The following SMC4 variants were observed in gnomAD, a reference collection of about 807,000 sequenced individuals.
The protein encoded by SMC4 is structural maintenance of chromosomes protein 4.
SMC4 carries 87 observed loss-of-function variants against 145.6 expected under a neutral mutation model. The observed-to-expected ratio is 0.60, with a 90% CI of 0.50 to 0.71. The LOEUF is 0.71. Ranked by LOEUF, SMC4 falls within the 30% of genes least tolerant of loss-of-function variation. SMC4 has a pLI of 0.00. For synonymous variants in SMC4, 558 were observed against 500.7 expected, an observed-to-expected ratio of 1.11 and a Z score of -1.53; for missense variants, 1,447 against 1,537.1, an observed-to-expected ratio of 0.94 and a Z score of 0.98.
rs11548868 is a variant in SMC4 at position 160,431,808 on chromosome 3, G to A, written c.3280G>A (p.Ala1094Thr). The A allele has an allele frequency of 7.4e-5, 120 of 1,612,556 alleles. No homozygotes were observed. Among genetic ancestry groups the A allele is most frequent in the African/African-American group, 4.8e-4 (36 of 74,746 alleles). ...HEMKPNLGAI[A>T]EYKKKEELYL... ...AATGAAACCAAACCTCGGTGCCATC[G>A]CAGAGTATAAAAAGAAGGTATGAAT... Residue 1094 changes from alanine (A) to threonine (T), a missense_variant, in exon 21 of 24, where the codon GCA becomes ACA. Transcript: ENST00000357388.
chr3:160,420,530 A>C, intron 12 of SMC4: 1 of 459,198 alleles, frequency 2.2e-6, no homozygotes, highest in East Asian at 4.1e-5. Context: ...TAAAATGAAA[A>C]CAGTTCTTTC....
chr3:160,421,966 A>G (rs1370995645), intron 13 of SMC4, among the ~76,000 whole-genome samples: 2 of 152,186 alleles, frequency 1.3e-5, no homozygotes, highest in Non-Finnish European at 2.9e-5. Context: ...GGAATCATAC[A>G]ATATATGGCC....
At chr3:160,402,282 A>G (rs915772530) in intron 3 of SMC4, among the ~76,000 whole-genome samples, 189 bp downstream of exon 3, 3 of 152,070 alleles carry the variant, frequency 2.0e-5, no homozygotes, top group African/African-American at 7.2e-5. Flanking sequence ...CACTGAAATT[A>G]TCTTTTGTTT....
At position 160,416,204 on chromosome 3, in the gene SMC4, G is replaced by A. The variant is rs760018551; in HGVS notation, c.1273-47G>A. 1.2e-5 allele frequency: 16 copies of A among 1,350,780 alleles called. No homozygotes were observed. In the African/African-American group the frequency reaches 2.2e-4, roughly 19 times the overall value. 83.7% of individuals were successfully genotyped at this position (1,350,780 alleles called of 1,614,324 possible). On this transcript the variant is annotated intron_variant, in intron 9 of 23. Coordinates refer to ENST00000357388, the MANE Select transcript of SMC4 (RefSeq NM_001002800.3). ...AAATATGTCAAATATTGATAGTATT[G>A]GGTAACATAAAGATGTATGCTCCTA...
chr3:160,399,781 A>G (rs1210276754), intron 1 of SMC4, 32 bp downstream of exon 1: 1 of 152,382 alleles, frequency 6.6e-6, no homozygotes, highest in Non-Finnish European at 1.5e-5. Context: ...TCAGGTTGTC[A>G]CGCTCTTACT....
chr3:160,420,087 C>T lies in SMC4; in HGVS notation c.1857+544C>T, dbSNP rs937904113. ...GAGGACCATTACTGCTTCTTAGCTTCGAGGGAAGGGAGTTGTGGTCCAGAG... is the reference window on the plus strand; with the variant it reads ...GAGGACCATTACTGCTTCTTAGCTTTGAGGGAAGGGAGTTGTGGTCCAGAG... On this transcript the variant is annotated intron_variant, in intron 12 of 23. Coordinates refer to ENST00000357388, the MANE Select transcript of SMC4 (RefSeq NM_001002800.3). 4.6e-5 allele frequency among the ~76,000 whole-genome samples: 7 copies of T among 152,090 alleles called. No individual in the cohort carries two copies. The South Asian group carries it at 1.0e-3, about 23-fold the overall frequency.
chr3:160,425,022 A>ATGTGTGTGAGTG lies in SMC4; in HGVS notation c.2478+11_2478+12insAGTGTGTGTGTG. 6.8e-7 allele frequency: 1 copy of ATGTGTGTGAGTG among 1,468,122 alleles called. No homozygotes were observed. Among genetic ancestry groups the ATGTGTGTGAGTG allele is most frequent in the Non-Finnish European group, 9.2e-7 (1 of 1,090,112 alleles). 90.9% of individuals were successfully genotyped at this position (1,468,122 alleles called of 1,614,324 possible). A position where few individuals can be genotyped will look rare whatever the true frequency, so the allele number is the denominator to read the frequency against. ...AAAAATTTACTGCAAGCATCCAGGT[A>ATGTGTGTGAGTG]TGTGTGTGTGTGTGTGTGTGTGTGT... On this transcript the variant is annotated splice_donor_region_variant and intron_variant, in intron 16 of 23. Transcript: ENST00000357388.
chr3:160,419,519 G>T lies in SMC4; in HGVS notation c.1833G>T (p.Arg611Ser). 6.2e-7 allele frequency: 1 copy of T among 1,603,150 alleles called. No homozygotes were observed. The highest frequency in any genetic ancestry group is 8.5e-7 in the Non-Finnish European group (1 of 1,177,410). ...TAATTCAAGAAAAAAAATCTGGCAG[G>T]ATTCCAGGAATATATGGAAGATTGG... Reference protein sequence around the residue: ...DAIIQEKKSGRIPGIYGRLGD... With the variant: ...DAIIQEKKSGSIPGIYGRLGD... The change falls in exon 12 of 24, where the codon AGG becomes AGT. Residue 611 changes from arginine to serine, a missense_variant. Physicochemically the swap from Arg to Ser is moderately radical, Grantham distance 110. Transcript: ENST00000357388.
At chr3:160,413,368 G>A (rs1449852341) in intron 7 of SMC4, 105 bp from the exon 8 acceptor site, 1 of 1,136,786 alleles carries the variant, frequency 8.8e-7, no homozygotes, top group Non-Finnish European at 1.2e-6. Context: ...ATATTGACTA[G>A]TTAATAATAT....
At chr3:160,401,035 G>A in intron 2 of SMC4, 70 bp downstream of exon 2, 1 of 1,354,912 alleles carries the variant, frequency 7.4e-7, no homozygotes, top group Non-Finnish European at 9.4e-7. Flanking sequence ...CCCAGCCCGA[G>A]GCTGGCTGGG....
In SMC4 at chr3:160,426,244, G is replaced by A. The variant is rs115081034; in HGVS notation, c.2605+44G>A. The A allele has an allele frequency of 5.2e-3, 7,575 of 1,443,708 alleles. 334 individuals are homozygous for A. In the African/African-American group the frequency reaches 0.099, roughly 19 times the overall value. The allele number at this position is 1,443,708 out of a possible 1,614,324, so 89.4% of individuals were successfully genotyped here. ...CTTTTTTGGGGGGAAAAAAAAAACA[G>A]GTTTTTAAAGCTTGCAATATTTAAG... is the stretch of plus-strand genomic sequence containing the variant. On this transcript the variant is annotated intron_variant, in intron 17 of 23. Transcript: ENST00000357388.
intron 9 of SMC4, 59 bp from the exon 10 acceptor site, chr3:160,416,192 A>G (rs1435109456): frequency 2.0e-5 from 24 of 1,223,694 alleles, no homozygotes; most frequent in Non-Finnish European, 2.5e-5. Flanking sequence ...TATGTCAAAT[A>G]TTGATAGTAT....
chr3:160,412,685 G>A, intron 7 of SMC4: 17 of 829,062 alleles, frequency 2.1e-5, no homozygotes, highest in South Asian at 6.7e-5. Flanking sequence ...AACATAGCAA[G>A]ACCCCATCTC....
chr3:160,427,960 C>T (rs1717979365), intron 17 of SMC4, among the ~76,000 whole-genome samples: 1 of 150,016 alleles, frequency 6.7e-6, no homozygotes, highest in African/African-American at 2.5e-5. Context: ...CAAACACACA[C>T]ACACGCCGGG....
At chr3:160,426,326 GTGTT>G in intron 17 of SMC4, 126 bp downstream of exon 17, 1 of 740,706 alleles carries the variant, frequency 1.4e-6, no homozygotes, top group South Asian at 1.8e-5. Flanking sequence ...CTATTTTATG[GTGTT>G]TGTTATAAAG....
rs1410442583 is a variant in SMC4, at chr3:160,417,860, A to G, written c.1575A>G (p.Glu525=). Residue 525 remains glutamate (E), a synonymous_variant, in exon 11 of 24, where the codon GAA becomes GAG. Transcript: ENST00000357388. ...TGTCTCAATTAACTAAGGCTAAGGA[A>G]GCTCTAATTGCAGCTTCTGAGACTC... ...TAVSQLTKAK[E]ALIAASETLK... The G allele has an allele frequency of 1.2e-6, 2 of 1,613,756 alleles. No individual in the cohort carries two copies. The highest frequency in any genetic ancestry group is 3.3e-5 in the Admixed American group (2 of 59,998).
In SMC4 at chr3:160,416,527, G is replaced by A. The variant is rs1434605121; in HGVS notation, c.1437+112G>A. 12 of 594,174 alleles carry A rather than the reference G, an allele frequency of 2.0e-5. No individual in the cohort carries two copies. In the East Asian group the frequency reaches 2.0e-4, roughly 10 times the overall value. The allele number at this position is 594,174 out of a possible 1,614,324, so 36.8% of individuals were successfully genotyped here. ...GAACTGGTAAGTTTGGACTTTTAAT[G>A]TCCAACATTCCTAAAACTAGTCAAC... On this transcript the variant is annotated intron_variant, in intron 10 of 23. Coordinates refer to ENST00000357388, the MANE Select transcript of SMC4 (RefSeq NM_001002800.3).
intron 5 of SMC4, among the ~76,000 whole-genome samples, chr3:160,409,853 G>A (rs912850817): frequency 6.6e-6 from 1 of 152,168 alleles, no homozygotes; most frequent in Non-Finnish European, 1.5e-5. Flanking sequence ...GATCGCTTGA[G>A]CCCAGGAGTT....
intron 17 of SMC4, among the ~76,000 whole-genome samples, chr3:160,426,431 T>TAA (rs1348504395): frequency 6.6e-6 from 1 of 152,342 alleles, no homozygotes; most frequent in Admixed American, 6.5e-5. Flanking sequence ...GAATAGGTGA[T>TAA]TTTTGAGTCC....
Sources: gnomAD v4.1 joint callset for allele counts (sites outside exome capture counted in the v4.1 genomes callset) on GRCh38, gnomAD v4.1.1 for gene constraint, MANE v1.5 for transcripts, NCBI Gene and HGNC (gene_info 2026-07-23, HGNC 2026-07-21) for gene names.